The following INTU variants were observed in gnomAD, a reference collection of about 807,000 sequenced individuals.
The protein encoded by INTU is inturned planar cell polarity protein, also known as protein inturned.
In INTU, 68 loss-of-function variants were observed where a neutral mutation model predicts 100.5. The ratio of observed to expected loss-of-function variants is 0.68; its 90% CI spans 0.56 to 0.83. The LOEUF (loss-of-function observed/expected upper bound fraction) is 0.83. Among genes scored for constraint, INTU ranks in the 40% least tolerant of loss-of-function variants. The probability of loss-of-function intolerance (pLI) is 0.00; values close to 1 mark genes in which losing one functional copy is unlikely to be tolerated. For synonymous variants in INTU, 357 were observed against 395.7 expected, an observed-to-expected ratio of 0.90 and a Z score of 1.16; for missense variants, 1,071 against 1,114.7, an observed-to-expected ratio of 0.96 and a Z score of 0.56.
chr4:127,698,636 A>G (rs971533405), intron 8 of INTU, among the ~76,000 whole-genome samples: 3 of 152,144 alleles, frequency 2.0e-5, no homozygotes, highest in Admixed American at 1.3e-4. Flanking sequence ...TTTTCTTCCC[A>G]GATATTTGAG....
At chr4:127,687,451 C>G (rs1428908879) in intron 7 of INTU, 1 of 290,730 alleles carries the variant, frequency 3.4e-6, no homozygotes, top group Admixed American at 4.9e-5. Context: ...TTCCATAGAG[C>G]CATCTACTTG....
rs138877814 is a variant in INTU at position 127,642,776 on chromosome 4, G to GT, written c.147-735dup. Among the ~76,000 whole-genome samples the GT allele has an allele frequency of 1.1e-3, 151 of 133,434 alleles. 1 individual carries two copies. The highest frequency in any genetic ancestry group is 6.4e-3 in the South Asian group (27 of 4,212). The allele number at this position is 133,434 out of a possible 152,430, so 87.5% of individuals were successfully genotyped here. On this transcript the variant is annotated intron_variant, in intron 1 of 15. Coordinates refer to ENST00000335251, the MANE Select transcript of INTU (RefSeq NM_015693.4). Reference sequence around the variant, plus strand: ...CAATCATTTTAATAGCAGTAATTTTGTTTTTTTTTTCAGTGGCATACTTCC... The same window carrying GT: ...CAATCATTTTAATAGCAGTAATTTTGTTTTTTTTTTTCAGTGGCATACTTCC...
intron 2 of INTU, among the ~76,000 whole-genome samples, 163 bp downstream of exon 2, chr4:127,644,219 C>T (rs756494036): frequency 6.6e-6 from 1 of 152,210 alleles, no homozygotes; most frequent in Non-Finnish European, 1.5e-5. Context: ...TGGTGCACTA[C>T]AAGGCACAGT....
intron 2 of INTU, among the ~76,000 whole-genome samples, chr4:127,652,274 G>C (rs1388367514): frequency 6.8e-6 from 1 of 147,296 alleles, no homozygotes; most frequent in Non-Finnish European, 1.5e-5. Flanking sequence ...GGAGTGGTGA[G>C]AGACGGCATC....
At chr4:127,709,369 T>C (rs984893900) in intron 13 of INTU, among the ~76,000 whole-genome samples, 4 of 152,146 alleles carry the variant, frequency 2.6e-5, no homozygotes, top group African/African-American at 4.8e-5. Flanking sequence ...TACTTCCTAA[T>C]AAGTTTCCTC....
chr4:127,706,878 G>T lies in INTU; in HGVS notation c.2180G>T (p.Gly727Val). 1 of 1,614,078 alleles carries T rather than the reference G, an allele frequency of 6.2e-7. No individual in the cohort carries two copies. The highest frequency in any genetic ancestry group is 8.5e-7 in the Non-Finnish European group (1 of 1,179,990). ...DNGCEGGEDD[G>V]FSPHTTPDAV... Reference sequence around the variant, plus strand: ...GGTTGTGAAGGTGGAGAAGATGATGGCTTTAGCCCCCATACTACACCGGAT... The same window carrying T: ...GGTTGTGAAGGTGGAGAAGATGATGTCTTTAGCCCCCATACTACACCGGAT... Residue 727 changes from glycine (G) to valine (V), a missense_variant, in exon 12 of 16, where the codon GGC (glycine) becomes GTC (valine). Physicochemically the swap from Gly to Val is moderately radical, Grantham distance 109. Coordinates refer to ENST00000335251, the MANE Select transcript of INTU (RefSeq NM_015693.4).
Position 127,714,065 on chromosome 4 carries a change from CCA to C in INTU, c.2691_2692del (p.Pro898SerfsTer25). The stretch of plus-strand genomic sequence containing the variant: ...AAACTGGACTGATCAGAAAAAAGCA[CCA>C]CCAGTTATGGCTTACTGGGTAGTAG... ...PGNWTDQKKA[P>X]PVMAYWVVGR... On this transcript the variant is annotated frameshift_variant, in exon 15 of 16. Coordinates refer to ENST00000335251, the MANE Select transcript of INTU (RefSeq NM_015693.4). LOFTEE classifies it high-confidence loss of function. The C allele has an allele frequency of 6.2e-7, 1 of 1,613,026 alleles. No individual in the cohort carries two copies.
intron 6 of INTU, chr4:127,675,968 G>A: frequency 3.7e-6 from 1 of 272,182 alleles, no homozygotes; most frequent in Non-Finnish European, 8.1e-6. Context: ...TTCTTGAGGG[G>A]AAGAGTATCA....
Position 127,643,695 on chromosome 4 carries a change from T to A in INTU, c.321T>A (p.Tyr107Ter). ...ATGACTACAAAGAAAGAAAAAAGTA[T>A]GAACCCAAACTCAAGCAGTTTACCA... The part of the protein sequence containing the change: ...IEDDYKERKK[Y>*]EPKLKQFTKI... The change falls in exon 2 of 16, where the codon TAT becomes TAA. Residue 107 changes from tyrosine (Y) to a stop codon, truncating the protein, a stop_gained. Transcript: ENST00000335251. LOFTEE classifies it high-confidence loss of function. 1.2e-6 allele frequency: 2 copies of A among 1,612,238 alleles called. No homozygotes were observed. Among genetic ancestry groups the A allele is most frequent in the South Asian group, 1.1e-5 (1 of 90,666 alleles).
intron 2 of INTU, among the ~76,000 whole-genome samples, chr4:127,655,445 T>A (rs6830842): frequency 0.58 from 85,473 of 146,316 alleles, 26,317 homozygotes; most frequent in African/African-American, 0.74. Context: ...TCTAACAGAC[T>A]GTACCCTCAG....
At chr4:127,715,725 T>C (rs1049206180) in intron 15 of INTU, among the ~76,000 whole-genome samples, 3 of 152,128 alleles carry the variant, frequency 2.0e-5, no homozygotes, top group African/African-American at 7.2e-5. Context: ...TTCATGACAA[T>C]TGGAATAGAA....
chr4:127,704,317 T>G, intron 10 of INTU, 27 bp downstream of exon 10: 1 of 1,532,244 alleles, frequency 6.5e-7, no homozygotes, highest in Non-Finnish European at 9.0e-7. Flanking sequence ...AGTCTAAATG[T>G]CCAGCTGCTG....
intron 6 of INTU, among the ~76,000 whole-genome samples, chr4:127,678,815 T>A (rs1729365856): frequency 6.6e-6 from 1 of 152,046 alleles, no homozygotes; most frequent in African/African-American, 2.4e-5. Flanking sequence ...GCAAATTGGA[T>A]AAAGAGTCAA....
At chr4:127,670,726 A>T (rs948138422) in intron 5 of INTU, among the ~76,000 whole-genome samples, 1 of 152,022 alleles carries the variant, frequency 6.6e-6, no homozygotes, top group Non-Finnish European at 1.5e-5. Flanking sequence ...AAGGCTTTCT[A>T]TAGTAACCCA....
chr4:127,697,788 C>T (rs1425161165), intron 8 of INTU, among the ~76,000 whole-genome samples: 4 of 152,058 alleles, frequency 2.6e-5, no homozygotes, highest in Admixed American at 1.3e-4. Flanking sequence ...GAGTATGTAT[C>T]TTCTAATGGA....
In INTU at chr4:127,700,001, T is replaced by A. The variant is rs73847044; in HGVS notation, c.1450-9T>A. On this transcript the variant is annotated splice_polypyrimidine_tract_variant and intron_variant, in intron 8 of 15. Coordinates refer to ENST00000335251, the MANE Select transcript of INTU (RefSeq NM_015693.4). ...TGTTTATGTTACTCTTTTTTTTTTTTTAACATAGATGGAATTAGACATGGC... is the reference window on the plus strand; with the variant it reads ...TGTTTATGTTACTCTTTTTTTTTTTATAACATAGATGGAATTAGACATGGC... The A allele has an allele frequency of 5.8e-6, 9 of 1,565,134 alleles. No individual in the cohort carries two copies. The African/African-American group carries it at 1.2e-4, about 22-fold the overall frequency.
rs1731308611 is a variant in INTU, at chr4:127,719,016, A to G, written c.*2580A>G. The G allele has an allele frequency of 6.6e-6, 1 of 152,130 alleles. No homozygotes were observed. The highest frequency in any genetic ancestry group is 1.5e-5 in the Non-Finnish European group (1 of 68,024). 9.4% of individuals were successfully genotyped at this position (152,130 alleles called of 1,614,324 possible). ...GATTGCCCTGGCCAGGACTTCCAAT[A>G]CTATGTTGAATAGTGGTGAGAGAGG... On this transcript the variant is annotated 3_prime_UTR_variant, in exon 16 of 16. Coordinates refer to ENST00000335251, the MANE Select transcript of INTU (RefSeq NM_015693.4).
intron 1 of INTU, among the ~76,000 whole-genome samples, chr4:127,639,447 A>G (rs894271856): frequency 2.0e-5 from 3 of 152,032 alleles, no homozygotes; most frequent in East Asian, 1.9e-4. Context: ...GGGATTATCT[A>G]TATGTATTGA....
intron 5 of INTU, among the ~76,000 whole-genome samples, chr4:127,669,488 A>G (rs1010982999): frequency 5.3e-5 from 8 of 151,714 alleles, no homozygotes. Context: ...CTTCATGAAG[A>G]TGTATCTTTT....
Sources: allele counts gnomAD v4.1 joint callset (sites outside exome capture counted in the v4.1 genomes callset), GRCh38; gene constraint gnomAD v4.1.1; transcripts MANE v1.5; gene names NCBI Gene and HGNC (gene_info 2026-07-23, HGNC 2026-07-21).